NOL10: variants seen among roughly 807,000 people sequenced by gnomAD.
NOL10 encodes H_NH0074G24.1.
In NOL10, 58 loss-of-function variants were observed where a neutral mutation model predicts 103.5. The observed-to-expected ratio is 0.56, with a 90% confidence interval of 0.45 to 0.70. The LOEUF (loss-of-function observed/expected upper bound fraction) is 0.70. NOL10 is among the 30% of genes least tolerant of loss of function. The probability of loss-of-function intolerance (pLI) is 0.00; values close to 1 mark genes in which losing one functional copy is unlikely to be tolerated. For missense variants in NOL10, 763 were observed against 807.3 expected (o/e 0.95, Z 0.67); for synonymous variants, 287 against 282.5 (o/e 1.02, Z -0.16).
At chr2:10,592,538 G>A (rs1237533429) in intron 17 of NOL10, among the ~76,000 whole-genome samples, 4 of 152,134 alleles carry the variant, frequency 2.6e-5, no homozygotes, top group African/African-American at 7.2e-5. Context: ...TGTAGATATC[G>A]GATAGATGAT....
At chr2:10,677,762 C>T (rs755282134) in intron 3 of NOL10, among the ~76,000 whole-genome samples, 2 of 151,798 alleles carry the variant, frequency 1.3e-5, no homozygotes, top group Admixed American at 6.6e-5. Flanking sequence ...CGTGAGCCAC[C>T]GCACCCAGCT....
At chr2:10,654,392 G>A in intron 12 of NOL10, 89 bp downstream of exon 12, 4 of 954,036 alleles carry the variant, frequency 4.2e-6, no homozygotes, top group Non-Finnish European at 6.3e-6. Context: ...ACCTAAAAAA[G>A]TATAGCCTTT....
At chr2:10,616,411 G>T (rs1676838103) in intron 13 of NOL10, among the ~76,000 whole-genome samples, 1 of 151,560 alleles carries the variant, frequency 6.6e-6, no homozygotes. Flanking sequence ...GTAGAGACGG[G>T]GTTTCACCAT....
intron 12 of NOL10, 75 bp from the exon 13 acceptor site, chr2:10,644,447 G>T: frequency 9.3e-7 from 1 of 1,078,352 alleles, no homozygotes; most frequent in Non-Finnish European, 1.3e-6. Flanking sequence ...TTTCCATTCT[G>T]AAATGCCTGA....
intron 12 of NOL10, among the ~76,000 whole-genome samples, chr2:10,644,972 G>A (rs1572363804): frequency 6.6e-6 from 1 of 152,096 alleles, no homozygotes; most frequent in African/African-American, 2.4e-5. Context: ...CTCCAACATG[G>A]CAATATGCAA....
chr2:10,571,819 G>T lies in NOL10; in HGVS notation c.*252C>A. The T allele has an allele frequency of 2.8e-6, 1 of 352,676 alleles. No individual in the cohort carries two copies. Among genetic ancestry groups the T allele is most frequent in the Non-Finnish European group, 5.1e-6 (1 of 197,054 alleles). The allele number at this position is 352,676 out of a possible 1,614,324, so 21.8% of individuals were successfully genotyped here. A position where few individuals can be genotyped will look rare whatever the true frequency, so the allele number is the denominator to read the frequency against. On this transcript the variant is annotated 3_prime_UTR_variant, in exon 21 of 21. Transcript: ENST00000381685. Reference sequence around the variant, plus strand: ...CAGCCTGGTTTTCATGATTAACGCCGTGGGGAAAGGACAATGTTTCCAGGG... The same window carrying T: ...CAGCCTGGTTTTCATGATTAACGCCTTGGGGAAAGGACAATGTTTCCAGGG...
chr2:10,587,045 A>G lies in NOL10; in HGVS notation c.1844+1998T>C, dbSNP rs866431615. ...ATAAATAACACAAAAAGTTAAATGT[A>G]TATATATATACATATATATATACAT... On this transcript the variant is annotated intron_variant, in intron 19 of 20. Transcript: ENST00000381685. Among the ~76,000 whole-genome samples, 14 of 58,556 alleles carry G rather than the reference A, an allele frequency of 2.4e-4. 1 individual carries two copies. The highest frequency in any genetic ancestry group is 2.0e-3 in the South Asian group (6 of 2,962). 38.4% of individuals were successfully genotyped at this position (58,556 alleles called of 152,430 possible). A position where few individuals can be genotyped will look rare whatever the true frequency, so the allele number is the denominator to read the frequency against.
At position 10,587,184 on chromosome 2, in the gene NOL10, T is replaced by TATATACACATATATATACAC. The variant is rs1354305701; in HGVS notation, c.1844+1858_1844+1859insGTGTATATATATGTGTATAT. Among the ~76,000 whole-genome samples, 2 of 47,370 alleles carry TATATACACATATATATACAC rather than the reference T, an allele frequency of 4.2e-5. 1 individual carries two copies. Among genetic ancestry groups the TATATACACATATATATACAC allele is most frequent in the Non-Finnish European group, 7.5e-5 (2 of 26,612 alleles). The allele number at this position is 47,370 out of a possible 152,430, so 31.1% of individuals were successfully genotyped here. A position where few individuals can be genotyped will look rare whatever the true frequency, so the allele number is the denominator to read the frequency against. ...ACATATATACACATATATATACACA[T>TATATACACATATATATACAC]ATATATACACATATATATACACATA... On this transcript the variant is annotated intron_variant, in intron 19 of 20. Coordinates refer to ENST00000381685, the MANE Select transcript of NOL10 (RefSeq NM_024894.4).
chr2:10,634,556 A>G (rs1678066662), intron 13 of NOL10: 1 of 456,740 alleles, frequency 2.2e-6, no homozygotes, highest in Non-Finnish European at 4.4e-6. Context: ...CTCAGAGGGA[A>G]GGCTGGAGAG....
rs1674180161 is a variant in NOL10 at position 10,571,567 on chromosome 2, C to T, written c.*504G>A. 1 of 153,030 alleles carries T rather than the reference C, an allele frequency of 6.5e-6. No homozygotes were observed. Among genetic ancestry groups the T allele is most frequent in the African/African-American group, 2.4e-5 (1 of 41,432 alleles). 9.5% of individuals were successfully genotyped at this position (153,030 alleles called of 1,614,324 possible). A position where few individuals can be genotyped will look rare whatever the true frequency, so the allele number is the denominator to read the frequency against. On this transcript the variant is annotated 3_prime_UTR_variant, in exon 21 of 21. Transcript: ENST00000381685. The stretch of plus-strand genomic sequence containing the variant: ...AAATTATTTAAAAACAAATCCCAAA[C>T]TAATACATAAACAAGCCGAACAAAC...
intron 17 of NOL10, among the ~76,000 whole-genome samples, chr2:10,598,259 C>G (rs1675798939): frequency 1.3e-5 from 2 of 152,196 alleles, no homozygotes; most frequent in South Asian, 4.1e-4. Context: ...CGGTGTGATG[C>G]ACCGTGAATT....
intron 13 of NOL10, among the ~76,000 whole-genome samples, chr2:10,608,417 T>C (rs147544472): frequency 7.9e-5 from 12 of 152,292 alleles, no homozygotes; most frequent in Non-Finnish European, 1.3e-4. Flanking sequence ...TACAAATCTT[T>C]CCCAACAAAA....
intron 3 of NOL10, 140 bp from the exon 4 acceptor site, chr2:10,676,011 C>T: frequency 2.2e-6 from 1 of 454,848 alleles, no homozygotes; most frequent in Non-Finnish European, 3.9e-6. Flanking sequence ...TAAAAGCAGC[C>T]CCTCTCAAAC....
intron 13 of NOL10, among the ~76,000 whole-genome samples, chr2:10,609,812 C>T (rs543808106): frequency 6.6e-6 from 1 of 152,208 alleles, no homozygotes; most frequent in East Asian, 1.9e-4. Flanking sequence ...TCAAAGTATG[C>T]TATTATTGCT....
In NOL10 at chr2:10,598,871, T is replaced by G. The variant is rs559661741; in HGVS notation, c.1422+1982A>C. Reference sequence around the variant, plus strand: ...TTTAAATTACAATATAATGAAAAGATCCTAGTTTTCCAATTTATAATGGAC... The same window carrying G: ...TTTAAATTACAATATAATGAAAAGAGCCTAGTTTTCCAATTTATAATGGAC... On this transcript the variant is annotated intron_variant, in intron 17 of 20. Coordinates refer to ENST00000381685, the MANE Select transcript of NOL10 (RefSeq NM_024894.4). Among the ~76,000 whole-genome samples the G allele has an allele frequency of 2.6e-5, 4 of 152,340 alleles. No individual in the cohort carries two copies. In the South Asian group the frequency reaches 8.3e-4, roughly 32 times the overall value.
chr2:10,644,420 T>C (rs1392022376), intron 12 of NOL10, 48 bp from the exon 13 acceptor site: 2 of 1,334,136 alleles, frequency 1.5e-6, no homozygotes, highest in Non-Finnish European at 2.0e-6. Flanking sequence ...AAAAAGAAAG[T>C]ACCCTTTTCT....
intron 11 of NOL10, among the ~76,000 whole-genome samples, chr2:10,656,100 G>C (rs1244579839): frequency 2.0e-5 from 3 of 152,228 alleles, no homozygotes; most frequent in African/African-American, 7.2e-5. Context: ...CATCCAGATT[G>C]CTAACAGTCT....
chr2:10,613,365 A>G (rs968126718), intron 13 of NOL10, among the ~76,000 whole-genome samples: 1 of 152,268 alleles, frequency 6.6e-6, no homozygotes, highest in African/African-American at 2.4e-5. Flanking sequence ...AAAGTCAAAC[A>G]TAAGTAAGTG....
chr2:10,615,175 C>T (rs1253014861), intron 13 of NOL10, among the ~76,000 whole-genome samples: 1 of 152,178 alleles, frequency 6.6e-6, no homozygotes, highest in Non-Finnish European at 1.5e-5. Flanking sequence ...TTTAAATGTA[C>T]TCTACTTGTA....
Sources: gnomAD v4.1 joint callset for allele counts (sites outside exome capture counted in the v4.1 genomes callset) on GRCh38, gnomAD v4.1.1 for gene constraint, MANE v1.5 for transcripts, NCBI Gene and HGNC (gene_info 2026-07-23, HGNC 2026-07-21) for gene names.